Variants in EXOC6B observed in about 807,000 individuals in gnomAD.
EXOC6B encodes the protein SEC15 homolog B.
In EXOC6B, 54 loss-of-function variants were observed where a neutral mutation model predicts 113.5. That is an observed-to-expected ratio of 0.48 (90% CI 0.38 to 0.60). The LOEUF (loss-of-function observed/expected upper bound fraction) is 0.60, where lower values mean the gene tolerates loss of function less well. Ranked by LOEUF, EXOC6B falls within the 20% of genes least tolerant of loss-of-function variation. The probability of loss-of-function intolerance (pLI) is 0.00; values close to 1 mark genes in which losing one functional copy is unlikely to be tolerated. For missense variants in EXOC6B, 797 were observed against 977.5 expected (o/e 0.82, Z 2.46); for synonymous variants, 357 against 339.0 (o/e 1.05, Z -0.58).
chr2:72,447,356 A>T (rs1293804456), intron 18 of EXOC6B, among the ~76,000 whole-genome samples: 1 of 152,190 alleles, frequency 6.6e-6, no homozygotes, highest in Non-Finnish European at 1.5e-5. Flanking sequence ...TATTAAACTA[A>T]GATCTATCTC....
rs533489647 is a variant in EXOC6B, at chr2:72,767,878, G to A, written c.114-26409C>T. Among the ~76,000 whole-genome samples, 105 of 138,426 alleles carry A rather than the reference G, an allele frequency of 7.6e-4. 3 individuals are homozygous for A. In the South Asian group the frequency reaches 0.024, roughly 31 times the overall value. The allele number at this position is 138,426 out of a possible 152,430, so 90.8% of individuals were successfully genotyped here. On this transcript the variant is annotated intron_variant, in intron 1 of 21. Transcript: ENST00000272427. ...CGCTTATAATTCCAGAACTTTGGGA[G>A]GCCGAGGCAGGCGGATCGCCTGAGG...
At chr2:72,281,414 C>T (rs566731520) in intron 20 of EXOC6B, among the ~76,000 whole-genome samples, 86 of 152,096 alleles carry the variant, frequency 5.7e-4, no homozygotes, top group Non-Finnish European at 9.9e-4. Context: ...CAGAAATAGA[C>T]TTTAAAATAG....
chr2:72,466,356 A>AG (rs1463975264), intron 17 of EXOC6B, among the ~76,000 whole-genome samples: 99 of 151,546 alleles, frequency 6.5e-4, no homozygotes, highest in African/African-American at 2.2e-3. Context: ...AAAAAAAAAA[A>AG]AAAAGAAAAG....
chr2:72,631,843 G>C (rs1464802458), intron 6 of EXOC6B, among the ~76,000 whole-genome samples: 1 of 151,566 alleles, frequency 6.6e-6, no homozygotes, highest in Non-Finnish European at 1.5e-5. Flanking sequence ...CACCAAACCT[G>C]TAAAAGAAAA....
chr2:72,712,800 A>G (rs1187019805), intron 6 of EXOC6B, among the ~76,000 whole-genome samples: 1 of 152,208 alleles, frequency 6.6e-6, no homozygotes, highest in Non-Finnish European at 1.5e-5. Flanking sequence ...CCTGGAGGAC[A>G]TTTTAGAATT....
chr2:72,635,508 C>T (rs901002672), intron 6 of EXOC6B, among the ~76,000 whole-genome samples: 1 of 152,074 alleles, frequency 6.6e-6, no homozygotes, highest in Non-Finnish European at 1.5e-5. Flanking sequence ...CACCTTCCCC[C>T]AATATTAAAT....
intron 6 of EXOC6B, among the ~76,000 whole-genome samples, chr2:72,649,506 A>T (rs1674005875): frequency 2.0e-5 from 3 of 152,164 alleles, no homozygotes; most frequent in Admixed American, 1.3e-4. Flanking sequence ...ACAAAAATTA[A>T]ATTTTTTAAA....
intron 17 of EXOC6B, among the ~76,000 whole-genome samples, chr2:72,470,916 G>T (rs138217170): frequency 2.0e-5 from 3 of 152,048 alleles, no homozygotes; most frequent in African/African-American, 4.8e-5. Context: ...GAATAGTGCC[G>T]CAATAAACAT....
At chr2:72,194,655 C>G (rs548000361) in intron 20 of EXOC6B, among the ~76,000 whole-genome samples, 1 of 151,344 alleles carries the variant, frequency 6.6e-6, no homozygotes, top group South Asian at 2.1e-4. Context: ...TGTTTCACAC[C>G]TAGAAAGCTG....
chr2:72,333,690 AC>A (rs1688529772), intron 20 of EXOC6B, among the ~76,000 whole-genome samples: 1 of 151,946 alleles, frequency 6.6e-6, no homozygotes, highest in African/African-American at 2.4e-5. Context: ...GTGCAAGAGA[AC>A]CCCCACCTTG....
At chr2:72,341,198 C>T (rs754508647) in intron 19 of EXOC6B, among the ~76,000 whole-genome samples, 60 of 152,110 alleles carry the variant, frequency 3.9e-4, no homozygotes, top group African/African-American at 1.4e-3. Flanking sequence ...TCTCCAACTT[C>T]GAGAAAGACA....
At chr2:72,742,902 A>T (rs1420085001) in intron 1 of EXOC6B, among the ~76,000 whole-genome samples, 2 of 152,154 alleles carry the variant, frequency 1.3e-5, no homozygotes, top group Non-Finnish European at 2.9e-5. Flanking sequence ...TTTAATTCCA[A>T]TTGGGTTTTT....
rs527473398 is a variant in EXOC6B, at chr2:72,209,559, C to CCCTAAAAT, written c.2197-25380_2197-25373dup. 2.1e-4 allele frequency among the ~76,000 whole-genome samples: 32 copies of CCCTAAAAT among 152,184 alleles called. No individual in the cohort carries two copies. The East Asian group carries it at 6.0e-3, about 29-fold the overall frequency. On this transcript the variant is annotated intron_variant, in intron 20 of 21. Coordinates refer to ENST00000272427, the MANE Select transcript of EXOC6B (RefSeq NM_015189.3). ...TTCTAAAGAAGCAAAGCTCAGACTT[C>CCCTAAAAT]CCTAAAATTCTTTATCTTAGCACCC... is the stretch of plus-strand genomic sequence containing the variant.
chr2:72,492,966 T>A (rs1162890102), intron 15 of EXOC6B, among the ~76,000 whole-genome samples: 1 of 152,160 alleles, frequency 6.6e-6, no homozygotes, highest in Non-Finnish European at 1.5e-5. Context: ...TCAGCCACTT[T>A]AATTTAAAGT....
intron 7 of EXOC6B, among the ~76,000 whole-genome samples, chr2:72,570,066 G>A (rs992824581): frequency 1.3e-5 from 2 of 152,082 alleles, no homozygotes; most frequent in Non-Finnish European, 2.9e-5. Flanking sequence ...ACTGTATTTG[G>A]AGACTGGGCC....
chr2:72,378,699 G>A lies in EXOC6B; in HGVS notation c.2122+1030C>T, dbSNP rs565895465. ...AAAGTCAACCAAAGGAAACTAATAA[G>A]TAGTAAAATAAAAATGTGGGGCAAG... On this transcript the variant is annotated intron_variant, in intron 19 of 21. Transcript: ENST00000272427. Among the ~76,000 whole-genome samples the A allele has an allele frequency of 2.6e-5, 4 of 152,214 alleles. No individual in the cohort carries two copies. In the South Asian group the frequency reaches 8.3e-4, roughly 32 times the overall value.
intron 18 of EXOC6B, among the ~76,000 whole-genome samples, chr2:72,388,172 A>G (rs777486605): frequency 4.3e-4 from 66 of 152,342 alleles, no homozygotes; most frequent in Non-Finnish European, 5.3e-4. Flanking sequence ...CACAATGTCA[A>G]TACTACCAAG....
intron 18 of EXOC6B, among the ~76,000 whole-genome samples, chr2:72,411,753 T>A (rs1694203246): frequency 6.6e-6 from 1 of 152,172 alleles, no homozygotes; most frequent in Non-Finnish European, 1.5e-5. Context: ...AGTAGGTATA[T>A]AACCTAGGAA....
At chr2:72,186,353 AAAGACCACTC>A (rs1223160848) in intron 20 of EXOC6B, among the ~76,000 whole-genome samples, 1 of 152,190 alleles carries the variant, frequency 6.6e-6, no homozygotes, top group Non-Finnish European at 1.5e-5. Flanking sequence ...TGTAGTCTTC[AAAGACCACTC>A]AAGACAGCTC....
Sources: allele counts gnomAD v4.1 joint callset (sites outside exome capture counted in the v4.1 genomes callset), GRCh38; gene constraint gnomAD v4.1.1; transcripts MANE v1.5; gene names NCBI Gene and HGNC (gene_info 2026-07-23, HGNC 2026-07-21).